ADAM23: variants seen among roughly 807,000 people sequenced by gnomAD.
The protein encoded by ADAM23 is ADAM metallopeptidase domain 23, also known as disintegrin and metalloproteinase domain-containing protein 23.
A neutral mutation model predicts 120.1 loss-of-function variants in ADAM23; 33 were observed. That is an observed-to-expected ratio of 0.27 (90% CI 0.21 to 0.37). The LOEUF is 0.37. Among genes scored for constraint, ADAM23 ranks in the 10% least tolerant of loss-of-function variants. The probability of loss-of-function intolerance (pLI) is 1.00; values close to 1 mark genes in which losing one functional copy is unlikely to be tolerated. For missense variants in ADAM23, 862 were observed against 1,058.2 expected, an observed-to-expected ratio of 0.81 and a Z score of 2.57; for synonymous variants, 367 against 375.2, an observed-to-expected ratio of 0.98 and a Z score of 0.25.
chr2:206,539,504 C>G (rs1697247843), intron 4 of ADAM23, among the ~76,000 whole-genome samples: 1 of 152,118 alleles, frequency 6.6e-6, no homozygotes, highest in Non-Finnish European at 1.5e-5. Flanking sequence ...ATCAGTTTGT[C>G]TTTTTGTTAT....
intron 25 of ADAM23, 49 bp downstream of exon 25, chr2:206,610,049 T>G: frequency 6.8e-7 from 1 of 1,460,496 alleles, no homozygotes; most frequent in Non-Finnish European, 9.0e-7. Flanking sequence ...CATTTCTCTT[T>G]TCTGCTTACA....
chr2:206,445,593 A>G (rs1695066590), intron 2 of ADAM23, 69 bp downstream of exon 2: 2 of 1,373,074 alleles, frequency 1.5e-6, no homozygotes, highest in South Asian at 2.7e-5. Context: ...ATTTTCTGCC[A>G]GAATCTGAGT....
rs146884016 is a variant in ADAM23, at chr2:206,594,861, A to G, written c.2203A>G (p.Ser735Gly). 2.5e-6 allele frequency: 4 copies of G among 1,614,068 alleles called. No individual in the cohort carries two copies. In the East Asian group the frequency reaches 8.9e-5, roughly 36 times the overall value. The change falls in exon 23 of 26, where the codon AGC becomes GGC. Residue 735 changes from serine (S) to glycine (G), a missense_variant. By Grantham distance (56) the Ser-to-Gly change is moderately conservative. This residue lies in a region of ADAM23 where 617 missense variants were observed against 813.5 expected (regional missense o/e 0.76). Transcript: ENST00000264377. Reference protein sequence around the residue: ...CLQIQALNMSSCPLDSKGKVC... With the variant: ...CLQIQALNMSGCPLDSKGKVC... ...ACAAATTCAAGCCCTAAATATGAGC[A>G]GCTGTCCACTCGATTCCAAGGGTAA...
rs147897299 is a variant in ADAM23 at position 206,620,606 on chromosome 2, G to T, written c.*2979G>T. 2 of 152,196 alleles carry T rather than the reference G, an allele frequency of 1.3e-5. No individual in the cohort carries two copies. Among genetic ancestry groups the T allele is most frequent in the East Asian group, 3.9e-4 (2 of 5,182 alleles). The allele number at this position is 152,196 out of a possible 1,614,324, so 9.4% of individuals were successfully genotyped here. ...TACCCAACAAGAGTTAGTGTTAAGT[G>T]ATGATCAAGTTCCCATTTCACCTGC... On this transcript the variant is annotated 3_prime_UTR_variant, in exon 26 of 26. Transcript: ENST00000264377.
chr2:206,580,932 T>C (rs1698208863), intron 18 of ADAM23, among the ~76,000 whole-genome samples: 1 of 152,200 alleles, frequency 6.6e-6, no homozygotes, highest in Admixed American at 6.5e-5. Context: ...TTCTTCCTGA[T>C]TTAAGCTAGG....
At chr2:206,513,598 A>G (rs1696671249) in intron 3 of ADAM23, among the ~76,000 whole-genome samples, 1 of 152,240 alleles carries the variant, frequency 6.6e-6, no homozygotes, top group Non-Finnish European at 1.5e-5. Flanking sequence ...GTAGAAGCTG[A>G]AGCAAGTTAT....
rs1699025734 is a variant in ADAM23 at position 206,620,056 on chromosome 2, T to C, written c.*2429T>C. ...TTCCTTGTTGCTGGGTCCTACTCTC[T>C]AGTAGATACTAAACTGCTGTGAAGT... On this transcript the variant is annotated 3_prime_UTR_variant, in exon 26 of 26. Transcript: ENST00000264377. The C allele has an allele frequency of 6.6e-6, 1 of 152,202 alleles. No homozygotes were observed. The highest frequency in any genetic ancestry group is 2.4e-5 in the African/African-American group (1 of 41,450). The allele number at this position is 152,202 out of a possible 1,614,324, so 9.4% of individuals were successfully genotyped here.
At position 206,594,741 on chromosome 2, in the gene ADAM23, G is replaced by T; in HGVS notation, c.2083G>T (p.Ala695Ser). 6.2e-7 allele frequency: 1 copy of T among 1,614,114 alleles called. No individual in the cohort carries two copies. Among genetic ancestry groups the T allele is most frequent in the Non-Finnish European group, 8.5e-7 (1 of 1,179,996 alleles). The change falls in exon 23 of 26, where the codon GCC becomes TCC. Residue 695 changes from alanine (A) to serine (S), a missense_variant. By Grantham distance (99) the Ala-to-Ser change is moderately conservative. Coordinates refer to ENST00000264377, the MANE Select transcript of ADAM23 (RefSeq NM_003812.4). ...TGGGTATCTTTCTTGTTTTAGTGGTGCCCATGTAGTTTTAGATGATGATAC... is the reference window on the plus strand; with the variant it reads ...TGGGTATCTTTCTTGTTTTAGTGGTTCCCATGTAGTTTTAGATGATGATAC... ...HQGRVIDCSGAHVVLDDDTDV... is the reference protein window; with the variant it reads ...HQGRVIDCSGSHVVLDDDTDV...
At chr2:206,518,169 C>T (rs1001791532) in intron 3 of ADAM23, among the ~76,000 whole-genome samples, 2 of 152,174 alleles carry the variant, frequency 1.3e-5, no homozygotes, top group African/African-American at 2.4e-5. Context: ...TCTACTACCA[C>T]TGGATTTTAT....
In ADAM23 at chr2:206,443,641, G is replaced by C. The variant is rs1258381650; in HGVS notation, c.-226G>C. ...GTTGGCGGAGCGGCGAGGACCCCTG[G>C]ACTCCTCTGCGTCCCGCCCCGGGAG... On this transcript the variant is annotated 5_prime_UTR_variant, in exon 1 of 26. Coordinates refer to ENST00000264377, the MANE Select transcript of ADAM23 (RefSeq NM_003812.4). 6.7e-6 allele frequency: 1 copy of C among 149,856 alleles called. No individual in the cohort carries two copies. Among genetic ancestry groups the C allele is most frequent in the African/African-American group, 2.4e-5 (1 of 41,114 alleles). The allele number at this position is 149,856 out of a possible 1,614,324, so 9.3% of individuals were successfully genotyped here. A position where few individuals can be genotyped will look rare whatever the true frequency, so the allele number is the denominator to read the frequency against.
At chr2:206,564,940 A>T (rs1697847913) in intron 13 of ADAM23, 80 bp from the exon 14 acceptor site, 1 of 1,416,174 alleles carries the variant, frequency 7.1e-7, no homozygotes, top group African/African-American at 1.4e-5. Context: ...GAATTATTGT[A>T]GGAGTTGTAA....
intron 3 of ADAM23, among the ~76,000 whole-genome samples, chr2:206,497,170 G>T (rs936836147): frequency 2.1e-4 from 32 of 152,160 alleles, no homozygotes; most frequent in Admixed American, 1.1e-3. Flanking sequence ...GCATCATCCT[G>T]ATACCAAAGC....
chr2:206,585,558 G>A lies in ADAM23; in HGVS notation c.1738-1767G>A, dbSNP rs76861874. 1.1e-3 allele frequency among the ~76,000 whole-genome samples: 175 copies of A among 152,276 alleles called. 5 individuals are homozygous for A. In the East Asian group the frequency reaches 0.032, roughly 28 times the overall value. On this transcript the variant is annotated intron_variant, in intron 18 of 25. Transcript: ENST00000264377. The stretch of plus-strand genomic sequence containing the variant: ...AAATTAGTTCTGTTATCTTTCTGTG[G>A]TGAACTTGATAAATGGCTCAATATG...
intron 3 of ADAM23, among the ~76,000 whole-genome samples, chr2:206,486,407 A>T (rs574326387): frequency 5.4e-5 from 8 of 149,380 alleles, no homozygotes; most frequent in Non-Finnish European, 1.2e-4. Flanking sequence ...TATCCACTTT[A>T]TTGAGGTATG....
chr2:206,491,271 T>C (rs573653957), intron 3 of ADAM23, among the ~76,000 whole-genome samples: 1 of 152,210 alleles, frequency 6.6e-6, no homozygotes, highest in Admixed American at 6.5e-5. Flanking sequence ...TTAGATTTTC[T>C]AGGTTCTGGG....
chr2:206,507,246 G>T (rs187606538), intron 3 of ADAM23, among the ~76,000 whole-genome samples: 1 of 152,092 alleles, frequency 6.6e-6, no homozygotes, highest in South Asian at 2.1e-4. Context: ...ATGTCATGTC[G>T]AATTGTAATC....
intron 9 of ADAM23, 136 bp downstream of exon 9, chr2:206,550,296 G>A (rs1314954729): frequency 2.2e-6 from 1 of 447,760 alleles, no homozygotes; most frequent in African/African-American, 2.0e-5. Context: ...TGATTTATTT[G>A]TCGGTGTTTG....
intron 13 of ADAM23, among the ~76,000 whole-genome samples, chr2:206,564,351 C>T (rs1229338250): frequency 6.6e-6 from 1 of 152,130 alleles, no homozygotes; most frequent in Non-Finnish European, 1.5e-5. Context: ...TGATTATGTA[C>T]ACTTCTGTTT....
At chr2:206,595,838 ACT>A (rs968768349) in intron 23 of ADAM23, among the ~76,000 whole-genome samples, 2 of 152,124 alleles carry the variant, frequency 1.3e-5, no homozygotes, top group African/African-American at 4.8e-5. Context: ...TCTTCCTTTT[ACT>A]CTTTTTCTTT....
Sources: allele counts gnomAD v4.1 joint callset (sites outside exome capture counted in the v4.1 genomes callset), GRCh38; gene constraint gnomAD v4.1.1; regional missense constraint gnomAD v4.1.1; transcripts MANE v1.5; gene names NCBI Gene and HGNC (gene_info 2026-07-23, HGNC 2026-07-21).